The following MGAT5 variants were observed in gnomAD, a reference collection of about 807,000 sequenced individuals.
MGAT5 encodes the protein alpha-1,6-mannosylglycoprotein 6-beta-N-acetylglucosaminyltransferase A.
Under a neutral mutation model 94.3 loss-of-function variants are expected in MGAT5, and 30 were observed. The ratio of observed to expected loss-of-function variants is 0.32; its 90% CI spans 0.24 to 0.43. The LOEUF (loss-of-function observed/expected upper bound fraction) is 0.43. Among genes scored for constraint, MGAT5 ranks in the 20% least tolerant of loss-of-function variants. The pLI, the probability that MGAT5 is intolerant of heterozygous loss-of-function variation, is 1.00. For synonymous variants in MGAT5, 310 were observed against 322.9 expected (o/e 0.96, Z 0.43); for missense variants, 691 against 905.5 (o/e 0.76, Z 3.04).
chr2:134,257,206 T>C (rs1449931548), intron 1 of MGAT5, among the ~76,000 whole-genome samples: 2 of 152,174 alleles, frequency 1.3e-5, no homozygotes, highest in East Asian at 1.9e-4. Context: ...TTAAGGATGT[T>C]ATCAAGCAGA....
intron 1 of MGAT5, among the ~76,000 whole-genome samples, chr2:134,238,291 A>G (rs2105432501): frequency 6.6e-6 from 1 of 152,356 alleles, no homozygotes; most frequent in East Asian, 1.9e-4. Flanking sequence ...TCACAGGCTT[A>G]GAGTAAGCAT....
At chr2:134,393,657 T>G (rs1682544161) in intron 10 of MGAT5, among the ~76,000 whole-genome samples, 1 of 152,222 alleles carries the variant, frequency 6.6e-6, no homozygotes, top group Admixed American at 6.5e-5. Context: ...CTATTGGGGC[T>G]TCAAAGAGAG....
chr2:134,381,511 CCAGA>C (rs770100870), intron 10 of MGAT5, among the ~76,000 whole-genome samples: 155 of 50,660 alleles, frequency 3.1e-3, no homozygotes, highest in African/African-American at 5.9e-3. Context: ...GACAGACAGA[CCAGA>C]CAGACAGACA....
chr2:134,196,299 C>G (rs930312514), intron 1 of MGAT5, among the ~76,000 whole-genome samples: 5 of 151,886 alleles, frequency 3.3e-5, no homozygotes, highest in African/African-American at 1.2e-4. Flanking sequence ...ATATTTTTCC[C>G]CTTTCTTTGA....
rs996944184 is a variant in MGAT5 at position 134,254,148 on chromosome 2, G to C, written c.-256G>C. ...TCCTGAATCATAAGATATTGAACCA[G>C]CAAATTTAAGAGTTGACATTTTACT... On this transcript the variant is annotated 5_prime_UTR_variant, in exon 1 of 16. Coordinates refer to ENST00000281923, the MANE Select transcript of MGAT5 (RefSeq NM_002410.5). 1.9e-5 allele frequency: 11 copies of C among 580,690 alleles called. No homozygotes were observed. In the Admixed American group the frequency reaches 3.6e-4, roughly 19 times the overall value. The allele number at this position is 580,690 out of a possible 1,614,324, so 36.0% of individuals were successfully genotyped here. A position where few individuals can be genotyped will look rare whatever the true frequency, so the allele number is the denominator to read the frequency against.
chr2:134,300,322 G>A (rs1249437461), intron 2 of MGAT5, among the ~76,000 whole-genome samples: 1 of 152,102 alleles, frequency 6.6e-6, no homozygotes, highest in African/African-American at 2.4e-5. Flanking sequence ...ATCTGAAGTC[G>A]GGTGATTTCT....
intron 1 of MGAT5, among the ~76,000 whole-genome samples, chr2:134,120,889 C>G (rs1399907971): frequency 6.6e-6 from 1 of 151,918 alleles, no homozygotes; most frequent in Non-Finnish European, 1.5e-5. Flanking sequence ...GGGGGCGCCC[C>G]GGCTGTTAGG....
At position 134,362,396 on chromosome 2, in the gene MGAT5, T is replaced by C. The variant is rs1355627264; in HGVS notation, c.1368T>C (p.Asp456=). ...QNQSLVYGKV[D]SFWKNKKIYL... is the part of the protein sequence containing the mutation. ...AGTCCCTTGTGTATGGCAAAGTGGA[T>C]AGCTTCTGGAAGGTGAGTCAGTCTG... is the stretch of plus-strand genomic sequence containing the variant. Residue 456 remains aspartate, a synonymous_variant, in exon 10 of 16, where the codon GAT becomes GAC. Transcript: ENST00000281923. The C allele has an allele frequency of 9.3e-6, 15 of 1,614,004 alleles. No homozygotes were observed. Among genetic ancestry groups the C allele is most frequent in the Non-Finnish European group, 1.2e-5 (14 of 1,179,982 alleles).
At chr2:134,318,552 C>A in intron 3 of MGAT5, 98 bp from the exon 4 acceptor site, 1 of 883,040 alleles carries the variant, frequency 1.1e-6, no homozygotes, top group Non-Finnish European at 1.9e-6. Context: ...ACAGCTTGAG[C>A]CATTCACTCC....
intron 8 of MGAT5, 31 bp downstream of exon 8, chr2:134,345,095 T>C (rs752723873): frequency 1.8e-5 from 28 of 1,585,464 alleles, no homozygotes; most frequent in Non-Finnish European, 2.2e-5. Context: ...TGACTTAAGG[T>C]TTTTTTTCCC....
Position 134,403,077 on chromosome 2 carries a change from C to T in MGAT5, c.1470C>T (p.Tyr490=), listed in dbSNP as rs139534721. ...YGSSTKNIPS[Y]VKNHGILSGR... is the part of the protein sequence containing the mutation. Reference sequence around the variant, plus strand: ...CCAGCACAAAGAATATTCCCAGTTACGTGAAAAACCATGGTATCCTCAGTG... The same window carrying T: ...CCAGCACAAAGAATATTCCCAGTTATGTGAAAAACCATGGTATCCTCAGTG... Residue 490 remains tyrosine (Y), a synonymous_variant, in exon 11 of 16, where the codon TAC becomes TAT. Transcript: ENST00000281923. 7.0e-4 allele frequency: 1,127 copies of T among 1,611,552 alleles called. 1 individual carries two copies. The highest frequency in any genetic ancestry group is 8.3e-4 in the Non-Finnish European group (975 of 1,179,570).
At chr2:134,323,115 A>T (rs1217130054) in intron 4 of MGAT5, among the ~76,000 whole-genome samples, 1 of 152,126 alleles carries the variant, frequency 6.6e-6, no homozygotes, top group Non-Finnish European at 1.5e-5. Flanking sequence ...GGGATTAGAA[A>T]CTTCTGTTAG....
intron 12 of MGAT5, among the ~76,000 whole-genome samples, chr2:134,415,409 T>C (rs1462987641): frequency 6.6e-6 from 1 of 152,238 alleles, no homozygotes; most frequent in Non-Finnish European, 1.5e-5. Flanking sequence ...TTGCCTTGTG[T>C]ATGTCTTCTT....
At chr2:134,368,199 G>T (rs1243865595) in intron 10 of MGAT5, among the ~76,000 whole-genome samples, 1 of 152,226 alleles carries the variant, frequency 6.6e-6, no homozygotes, top group Non-Finnish European at 1.5e-5. Flanking sequence ...AGGAAGGAAG[G>T]TCTCTCTGGG....
intron 10 of MGAT5, among the ~76,000 whole-genome samples, chr2:134,388,484 A>AT (rs1682173586): frequency 6.6e-6 from 1 of 152,102 alleles, no homozygotes; most frequent in Non-Finnish European, 1.5e-5. Flanking sequence ...TTAACAGTAA[A>AT]TTTTTTAATA....
chr2:134,381,382 T>TTAGCTAGATAGATAGATAGATAGA (rs1275452620), intron 10 of MGAT5, among the ~76,000 whole-genome samples: 16 of 108,514 alleles, frequency 1.5e-4, no homozygotes, highest in Non-Finnish European at 2.4e-4. Context: ...ATAAGATAGA[T>TTAGCTAGATAGATAGATAGATAGA]TAGATAGATA....
chr2:134,409,971 G>A (rs1683553483), intron 11 of MGAT5, among the ~76,000 whole-genome samples: 1 of 152,214 alleles, frequency 6.6e-6, no homozygotes, highest in African/African-American at 2.4e-5. Flanking sequence ...CAGCCATGGA[G>A]ATATTTTGTC....
intron 1 of MGAT5, among the ~76,000 whole-genome samples, chr2:134,120,679 C>G (rs1401933914): frequency 6.6e-6 from 1 of 151,688 alleles, no homozygotes; most frequent in African/African-American, 2.4e-5. Flanking sequence ...GATGGGCGCT[C>G]GGACCGCGGA....
chr2:134,205,207 G>GCC (rs1679970524), intron 1 of MGAT5, among the ~76,000 whole-genome samples: 1 of 152,128 alleles, frequency 6.6e-6, no homozygotes, highest in Non-Finnish European at 1.5e-5. Flanking sequence ...GTAGCCAGAA[G>GCC]CCCCTGATAA....
Sources: gnomAD v4.1 joint callset for allele counts (sites outside exome capture counted in the v4.1 genomes callset) on GRCh38, gnomAD v4.1.1 for gene constraint, MANE v1.5 for transcripts, NCBI Gene and HGNC (gene_info 2026-07-23, HGNC 2026-07-21) for gene names.